Variants in TBCCD1 observed in about 807,000 individuals in gnomAD.
TBCCD1 encodes the protein TBCC domain containing 1.
A neutral mutation model predicts 53.4 loss-of-function variants in TBCCD1; 26 were observed. That is an observed-to-expected ratio of 0.49 (90% CI 0.36 to 0.68). The LOEUF is 0.68. TBCCD1 is among the 30% of genes least tolerant of loss of function. TBCCD1 has a pLI of 0.00. For missense variants in TBCCD1, 558 were observed against 669.5 expected, an observed-to-expected ratio of 0.83 and a Z score of 1.84; for synonymous variants, 245 against 241.7, an observed-to-expected ratio of 1.01 and a Z score of -0.13.
Position 186,554,930 on chromosome 3 carries a change from G to A in TBCCD1, c.1014C>T (p.Asn338=), listed in dbSNP as rs192772134. 3.3e-5 allele frequency: 54 copies of A among 1,613,696 alleles called. No individual in the cohort carries two copies. In the African/African-American group the frequency reaches 4.7e-4, roughly 14 times the overall value. ...AGAHVKIHRC[N]ESFIYLLSPL... is the part of the protein sequence containing the mutation. ...GAGAGAGCAGATATATAAAAGATTC[G>A]TTGCAACGATGAATCTTTACATGTG... is the stretch of plus-strand genomic sequence containing the variant. Residue 338 remains asparagine, a synonymous_variant, in exon 5 of 8, where the codon AAC becomes AAT. Coordinates refer to ENST00000338733, the MANE Select transcript of TBCCD1 (RefSeq NM_018138.5).
At position 186,563,990 on chromosome 3, in the gene TBCCD1, G is replaced by A. The variant is rs1021237012; in HGVS notation, c.336+4C>T. The A allele has an allele frequency of 2.0e-5, 32 of 1,602,148 alleles. No individual in the cohort carries two copies. The highest frequency in any genetic ancestry group is 5.6e-5 in the South Asian group (5 of 89,410). ...ATTAAGTATACACACATATCAATCC[G>A]TACCTGATTTCTCTGCTTTTCAACT... On this transcript the variant is annotated splice_donor_region_variant and intron_variant, in intron 2 of 7. Coordinates refer to ENST00000338733, the MANE Select transcript of TBCCD1 (RefSeq NM_018138.5).
chr3:186,551,106 T>C, intron 7 of TBCCD1, 23 bp downstream of exon 7: 1 of 1,594,034 alleles, frequency 6.3e-7, no homozygotes, highest in Non-Finnish European at 8.5e-7. Flanking sequence ...AAAGAATCTG[T>C]TTTAAGTGGT....
At chr3:186,564,809 A>G (rs1020812214) in intron 1 of TBCCD1, among the ~76,000 whole-genome samples, 14 of 152,256 alleles carry the variant, frequency 9.2e-5, no homozygotes, top group African/African-American at 3.1e-4. Flanking sequence ...ATGTTAGCTG[A>G]GCATATAAAT....
At position 186,554,574 on chromosome 3, in the gene TBCCD1, G is replaced by C. The variant is rs775123210; in HGVS notation, c.1224C>G (p.Leu408=). The change falls in exon 6 of 8, where the codon CTC becomes CTG. Residue 408 remains leucine, a synonymous_variant. Transcript: ENST00000338733. ...HVLTPTRPLI[L]SGNQTVTFAP... is the part of the protein sequence containing the mutation. ...CAAAAGTTACTGTCTGGTTCCCAGA[G>C]AGAATAAGTGGGCGTGTAGGCGTAA... The C allele has an allele frequency of 2.5e-6, 4 of 1,614,220 alleles. No individual in the cohort carries two copies. Among genetic ancestry groups the C allele is most frequent in the Non-Finnish European group, 3.4e-6 (4 of 1,180,032 alleles).
intron 7 of TBCCD1, among the ~76,000 whole-genome samples, chr3:186,547,517 A>G (rs1714247118): frequency 6.6e-6 from 1 of 152,032 alleles, no homozygotes; most frequent in Non-Finnish European, 1.5e-5. Context: ...CAGCCTCCCA[A>G]AGTGCTGGGA....
intron 1 of TBCCD1, among the ~76,000 whole-genome samples, chr3:186,566,393 A>T (rs1219952385): frequency 6.6e-6 from 1 of 152,122 alleles, no homozygotes; most frequent in East Asian, 1.9e-4. Flanking sequence ...AACTGACATC[A>T]ATCGAGTGCT....
intron 4 of TBCCD1, among the ~76,000 whole-genome samples, chr3:186,555,670 T>G (rs1714520364): frequency 6.6e-6 from 1 of 152,180 alleles, no homozygotes; most frequent in Non-Finnish European, 1.5e-5. Flanking sequence ...GAGATTCTCC[T>G]GCCTCAGCGT....
chr3:186,558,646 T>C (rs1037946665), intron 2 of TBCCD1, 74 bp from the exon 3 acceptor site: 27 of 1,500,904 alleles, frequency 1.8e-5, no homozygotes, highest in Admixed American at 1.4e-4. Context: ...TAAGTAGACA[T>C]AGTAAATTCA....
intron 1 of TBCCD1, among the ~76,000 whole-genome samples, chr3:186,565,787 G>T (rs185720521): frequency 6.6e-6 from 1 of 152,234 alleles, no homozygotes; most frequent in East Asian, 1.9e-4. Context: ...AAAATTTTCA[G>T]ATGTACTTTT....
chr3:186,563,017 A>G (rs910887650), intron 2 of TBCCD1, among the ~76,000 whole-genome samples: 2 of 152,114 alleles, frequency 1.3e-5, no homozygotes, highest in African/African-American at 4.8e-5. Flanking sequence ...CAAGAAATAA[A>G]CCTTTTCCCC....
upstream of TBCCD1, chr3:186,570,306 G>T (rs1578980565): frequency 3.7e-6 from 2 of 543,032 alleles, no homozygotes; most frequent in Non-Finnish European, 3.3e-6. Context: ...TCGGAGCGTA[G>T]CTGGGTATGA....
At chr3:186,568,698 C>T (rs942572819), upstream of TBCCD1, among the ~76,000 whole-genome samples, 16 of 151,942 alleles carry the variant, frequency 1.1e-4, no homozygotes, top group African/African-American at 3.6e-4. Flanking sequence ...GTCAGGAGTT[C>T]GAGACCAGCC....
chr3:186,554,288 A>C lies in TBCCD1; in HGVS notation c.1510T>G (p.Trp504Gly). Residue 504 changes from tryptophan (W) to glycine (G), a missense_variant, in exon 6 of 8, where the codon TGG becomes GGG. Physicochemically the swap from Trp to Gly is radical, Grantham distance 184. Transcript: ENST00000338733. The part of the protein sequence containing the change: ...LGQREQKIQI[W>G]QKTVKEAHLT... ...TGAGCCTCCTTCACAGTTTTCTGCCAGATCTGTATCTTCTGTTCTCTTTGA... is the reference window on the plus strand; with the variant it reads ...TGAGCCTCCTTCACAGTTTTCTGCCCGATCTGTATCTTCTGTTCTCTTTGA... The C allele has an allele frequency of 6.2e-7, 1 of 1,613,882 alleles. No individual in the cohort carries two copies. Among genetic ancestry groups the C allele is most frequent in the Non-Finnish European group, 8.5e-7 (1 of 1,179,978 alleles).
chr3:186,561,186 T>C (rs757644027), intron 2 of TBCCD1, among the ~76,000 whole-genome samples: 4 of 152,212 alleles, frequency 2.6e-5, no homozygotes, highest in Non-Finnish European at 5.9e-5. Context: ...GTAAACCATG[T>C]ATCTGGTAAG....
chr3:186,559,120 T>C (rs139656857), intron 2 of TBCCD1, among the ~76,000 whole-genome samples: 1 of 152,324 alleles, frequency 6.6e-6, no homozygotes, highest in African/African-American at 2.4e-5. Context: ...GCTATAGAAA[T>C]TATCTCTCAA....
chr3:186,559,677 T>C (rs1156417471), intron 2 of TBCCD1, among the ~76,000 whole-genome samples: 5 of 152,204 alleles, frequency 3.3e-5, no homozygotes, highest in African/African-American at 9.6e-5. Flanking sequence ...CAACTAACAA[T>C]GTGAAGCCCC....
intron 1 of TBCCD1, among the ~76,000 whole-genome samples, chr3:186,566,049 T>C (rs1714819534): frequency 6.6e-6 from 1 of 152,144 alleles, no homozygotes; most frequent in Non-Finnish European, 1.5e-5. Context: ...CTCTTTTTTT[T>C]TTTTTTGAGA....
At chr3:186,559,710 T>C (rs1253825985) in intron 2 of TBCCD1, among the ~76,000 whole-genome samples, 1 of 152,192 alleles carries the variant, frequency 6.6e-6, no homozygotes, top group Non-Finnish European at 1.5e-5. Context: ...ATTTTATAAA[T>C]TTTTACTTTC....
At position 186,554,526 on chromosome 3, in the gene TBCCD1, T is replaced by G; in HGVS notation, c.1272A>C (p.Pro424=). 6.2e-7 allele frequency: 1 copy of G among 1,614,230 alleles called. No individual in the cohort carries two copies. The highest frequency in any genetic ancestry group is 1.6e-4 in the Middle Eastern group (1 of 6,062). The change falls in exon 6 of 8, where the codon CCA becomes CCC. Residue 424 remains proline (P), a synonymous_variant. Coordinates refer to ENST00000338733, the MANE Select transcript of TBCCD1 (RefSeq NM_018138.5). ...TCCTGGCCATATGGTCCTCTAGCATTGGGTAATGTGTATGAAAAGGGGCAA... is the reference window on the plus strand; with the variant it reads ...TCCTGGCCATATGGTCCTCTAGCATGGGGTAATGTGTATGAAAAGGGGCAA... ...VTFAPFHTHY[P]MLEDHMARTG...
Sources: allele counts gnomAD v4.1 joint callset (sites outside exome capture counted in the v4.1 genomes callset), GRCh38; gene constraint gnomAD v4.1.1; transcripts MANE v1.5; gene names NCBI Gene and HGNC (gene_info 2026-07-23, HGNC 2026-07-21).